Variants in XIRP1 observed in about 807,000 individuals in gnomAD.
XIRP1 encodes the protein xin actin binding repeat containing 1, also known as xin actin-binding repeat-containing protein 1.
For synonymous variants in XIRP1, 984 were observed against 947.0 expected, an observed-to-expected ratio of 1.04 and a Z score of -0.72; for missense variants, 2,378 against 2,345.4, an observed-to-expected ratio of 1.01 and a Z score of -0.29.
At position 39,188,529 on chromosome 3, in the gene XIRP1, G is replaced by A. The variant is rs2040029766; in HGVS notation, c.917C>T (p.Ala306Val). 2 of 1,610,044 alleles carry A rather than the reference G, an allele frequency of 1.2e-6. No individual in the cohort carries two copies. The highest frequency in any genetic ancestry group is 4.5e-5 in the East Asian group (2 of 44,740). Residue 306 changes from alanine (A) to valine (V), a missense_variant, in exon 2 of 2, where the codon GCA becomes GTA. Physicochemically the swap from Ala to Val is moderately conservative, Grantham distance 64. Coordinates refer to ENST00000340369, the MANE Select transcript of XIRP1 (RefSeq NM_194293.4). The stretch of plus-strand genomic sequence containing the variant: ...CTGTGTCTCAAAGATCCAGCGAGTT[G>A]CACTGACGTCGGGCCGGGCCCCCTC... ...LEEGARPDVS[A>V]TRWIFETQPL...
In XIRP1 at chr3:39,185,054, C is replaced by A. The variant is rs2039938812; in HGVS notation, c.4392G>T (p.Leu1464=). 2 of 1,521,992 alleles carry A rather than the reference C, an allele frequency of 1.3e-6. No individual in the cohort carries two copies. Among genetic ancestry groups the A allele is most frequent in the South Asian group, 2.7e-5 (2 of 74,580 alleles). The allele number at this position is 1,521,992 out of a possible 1,614,324, so 94.3% of individuals were successfully genotyped here. A position where few individuals can be genotyped will look rare whatever the true frequency, so the allele number is the denominator to read the frequency against. ...CCTGGAGCTCTTTCTGGTTTCTTTG[C>A]AGACTGTCAGGGCTCTCAGGGGCCC... The part of the protein sequence containing the change: ...HQGAPESPDS[L]QRNQKELQGL... The change falls in exon 2 of 2, where the codon CTG becomes CTT. Residue 1464 remains leucine (L), a synonymous_variant. Coordinates refer to ENST00000340369, the MANE Select transcript of XIRP1 (RefSeq NM_194293.4).
chr3:39,190,910 T>C (rs1219038768), intron 1 of XIRP1, among the ~76,000 whole-genome samples: 1 of 152,192 alleles, frequency 6.6e-6, no homozygotes, highest in East Asian at 1.9e-4. Context: ...CTCAGTACCC[T>C]TGGCTCACCT....
At position 39,184,698 on chromosome 3, in the gene XIRP1, G is replaced by A; in HGVS notation, c.4748C>T (p.Ala1583Val). The A allele has an allele frequency of 6.2e-7, 1 of 1,614,258 alleles. No homozygotes were observed. Among genetic ancestry groups the A allele is most frequent in the South Asian group, 1.1e-5 (1 of 91,092 alleles). ...HFQGPPKDHS[A>V]HKISVTVSSS... ...GCTGACTGTGACACTGATCTTGTGG[G>A]CACTGTGGTCTTTTGGAGGTCCCTG... The change falls in exon 2 of 2, where the codon GCC (alanine) becomes GTC (valine). Residue 1583 changes from alanine (A) to valine (V), a missense_variant. Coordinates refer to ENST00000340369, the MANE Select transcript of XIRP1 (RefSeq NM_194293.4).
Position 39,188,903 on chromosome 3 carries a change from C to A in XIRP1, c.543G>T (p.Glu181Asp), listed in dbSNP as rs1194820515. The change falls in exon 2 of 2, where the codon GAG becomes GAT. Residue 181 changes from glutamate (E) to aspartate (D), a missense_variant. Glu to Asp is a conservative substitution (Grantham distance 45). Coordinates refer to ENST00000340369, the MANE Select transcript of XIRP1 (RefSeq NM_194293.4). ...QAKELEATVR[E>D]PAASGDVQGT... is the part of the protein sequence containing the mutation. ...CCTGCACATCTCCGCTGGCTGCAGG[C>A]TCCCTCACAGTGGCCTCCAGTTCCT... 2 of 1,613,220 alleles carry A rather than the reference C, an allele frequency of 1.2e-6. No individual in the cohort carries two copies. The highest frequency in any genetic ancestry group is 1.7e-6 in the Non-Finnish European group (2 of 1,180,026).
Position 39,188,064 on chromosome 3 carries a change from T to A in XIRP1, c.1382A>T (p.His461Leu). ...DSIGQGEVLAHGSPSREEGTD... is the reference protein window; with the variant it reads ...DSIGQGEVLALGSPSREEGTD... ...TCCTTCTTCTCTGCTTGGACTCCCATGGGCCAGAACCTCACCCTGTCCAAT... is the reference window on the plus strand; with the variant it reads ...TCCTTCTTCTCTGCTTGGACTCCCAAGGGCCAGAACCTCACCCTGTCCAAT... Residue 461 changes from histidine to leucine, a missense_variant, in exon 2 of 2, where the codon CAT (histidine) becomes CTT (leucine). Transcript: ENST00000340369. The A allele has an allele frequency of 6.2e-7, 1 of 1,614,172 alleles. No homozygotes were observed. Among genetic ancestry groups the A allele is most frequent in the Non-Finnish European group, 8.5e-7 (1 of 1,179,998 alleles).
At position 39,186,007 on chromosome 3, in the gene XIRP1, G is replaced by A. The variant is rs1239284343; in HGVS notation, c.3439C>T (p.Pro1147Ser). Reference protein sequence around the residue: ...TIQDGIYTAHPVRTFDPPGGV... With the variant: ...TIQDGIYTAHSVRTFDPPGGV... ...CCAGGTGGGTCAAAGGTCCTCACGGGATGAGCGGTGTAGATGCCATCCTGA... is the reference window on the plus strand; with the variant it reads ...CCAGGTGGGTCAAAGGTCCTCACGGAATGAGCGGTGTAGATGCCATCCTGA... The change falls in exon 2 of 2, where the codon CCC (proline) becomes TCC (serine). Residue 1147 changes from proline (P) to serine (S), a missense_variant. Coordinates refer to ENST00000340369, the MANE Select transcript of XIRP1 (RefSeq NM_194293.4). 3 of 1,614,146 alleles carry A rather than the reference G, an allele frequency of 1.9e-6. No individual in the cohort carries two copies. Among genetic ancestry groups the A allele is most frequent in the South Asian group, 1.1e-5 (1 of 91,072 alleles).
At position 39,188,571 on chromosome 3, in the gene XIRP1, C is replaced by G; in HGVS notation, c.875G>C (p.Arg292Pro). The G allele has an allele frequency of 6.2e-7, 1 of 1,613,184 alleles. No homozygotes were observed. Among genetic ancestry groups the G allele is most frequent in the Non-Finnish European group, 8.5e-7 (1 of 1,179,312 alleles). Reference protein sequence around the residue: ...NQDPSQVRVIRGISLEEGARP... With the variant: ...NQDPSQVRVIPGISLEEGARP... The stretch of plus-strand genomic sequence containing the variant: ...GGCCCCCTCCTCCAGGGAAATCCCC[C>G]GGATCACCCGCACCTGGCTGGGGTC... The change falls in exon 2 of 2, where the codon CGG becomes CCG. Residue 292 changes from arginine to proline, a missense_variant. Coordinates refer to ENST00000340369, the MANE Select transcript of XIRP1 (RefSeq NM_194293.4).
At position 39,183,723 on chromosome 3, in the gene XIRP1, CCTTT is replaced by C; in HGVS notation, c.*187_*190del. On this transcript the variant is annotated 3_prime_UTR_variant, in exon 2 of 2. Transcript: ENST00000340369. Reference sequence around the variant, plus strand: ...TGCAACTCTGTGGGCCTCTTCCAGACCTTTCTTTTTCCATTTGGAAGAACTGGGC... The same window carrying C: ...TGCAACTCTGTGGGCCTCTTCCAGACCTTTTTCCATTTGGAAGAACTGGGC... 1 of 1,019,324 alleles carries C rather than the reference CCTTT, an allele frequency of 9.8e-7. No homozygotes were observed. The allele number at this position is 1,019,324 out of a possible 1,614,324, so 63.1% of individuals were successfully genotyped here. A position where few individuals can be genotyped will look rare whatever the true frequency, so the allele number is the denominator to read the frequency against.
rs540906316 is a variant in XIRP1 at position 39,186,588 on chromosome 3, C to T, written c.2858G>A (p.Ser953Asn). 6.2e-7 allele frequency: 1 copy of T among 1,610,608 alleles called. No individual in the cohort carries two copies. Among genetic ancestry groups the T allele is most frequent in the South Asian group, 1.1e-5 (1 of 90,934 alleles). ...SLRWEPPADP[S>N]PVPASEGAQS... ...GGCCCCCTCGCTGGCTGGCACTGGACTCGGGTCAGCCGGGGGCTCCCACCG... is the reference window on the plus strand; with the variant it reads ...GGCCCCCTCGCTGGCTGGCACTGGATTCGGGTCAGCCGGGGGCTCCCACCG... The change falls in exon 2 of 2, where the codon AGT becomes AAT. Residue 953 changes from serine (S) to asparagine (N), a missense_variant. By Grantham distance (46) the Ser-to-Asn change is conservative. Coordinates refer to ENST00000340369, the MANE Select transcript of XIRP1 (RefSeq NM_194293.4).
rs774195312 is a variant in XIRP1 at position 39,187,335 on chromosome 3, T to C, written c.2111A>G (p.Glu704Gly). The stretch of plus-strand genomic sequence containing the variant: ...CTCCTGTTCTTCCTTCTTGCCTGCC[T>C]CCAGGGCCTGAAAAACCTCTTTCTG... ...SRQKEVFQAL[E>G]AGKKEEQEPR... Residue 704 changes from glutamate (E) to glycine (G), a missense_variant, in exon 2 of 2, where the codon GAG (glutamate) becomes GGG (glycine). Glu to Gly is a moderately conservative substitution (Grantham distance 98, BLOSUM62 -2). Coordinates refer to ENST00000340369, the MANE Select transcript of XIRP1 (RefSeq NM_194293.4). 3.7e-6 allele frequency: 6 copies of C among 1,604,468 alleles called. No individual in the cohort carries two copies. Among genetic ancestry groups the C allele is most frequent in the East Asian group, 2.2e-5 (1 of 44,704 alleles).
In XIRP1 at chr3:39,184,297, C is replaced by T; in HGVS notation, c.5149G>A (p.Asp1717Asn). 2 of 1,614,192 alleles carry T rather than the reference C, an allele frequency of 1.2e-6. No homozygotes were observed. Among genetic ancestry groups the T allele is most frequent in the Non-Finnish European group, 1.7e-6 (2 of 1,180,028 alleles). Reference sequence around the variant, plus strand: ...GTGATGTCCTTCTTCCCAGTTTTGTCTTGGACACCTTTCTGGTGGAGCAGG... The same window carrying T: ...GTGATGTCCTTCTTCCCAGTTTTGTTTTGGACACCTTTCTGGTGGAGCAGG... ...QALLHQKGVQ[D>N]KTGKKDITQC... Residue 1717 changes from aspartate (D) to asparagine (N), a missense_variant, in exon 2 of 2, where the codon GAC becomes AAC. By Grantham distance (23) the Asp-to-Asn change is conservative. Coordinates refer to ENST00000340369, the MANE Select transcript of XIRP1 (RefSeq NM_194293.4).
At chr3:39,192,199 G>T (rs546565665) in intron 1 of XIRP1, among the ~76,000 whole-genome samples, 7 of 152,222 alleles carry the variant, frequency 4.6e-5, no homozygotes, top group Non-Finnish European at 1.0e-4. Flanking sequence ...CCTGGCAGGA[G>T]CCTATCCTTT....
At position 39,184,923 on chromosome 3, in the gene XIRP1, G is replaced by A. The variant is rs779047446; in HGVS notation, c.4523C>T (p.Ala1508Val). Residue 1508 changes from alanine to valine, a missense_variant, in exon 2 of 2, where the codon GCT becomes GTT. By Grantham distance (64) the Ala-to-Val change is moderately conservative (BLOSUM62 0). Coordinates refer to ENST00000340369, the MANE Select transcript of XIRP1 (RefSeq NM_194293.4). ...FEAVPQLGGAAPQAPAAHQKP... is the reference protein window; with the variant it reads ...FEAVPQLGGAVPQAPAAHQKP... ...TTGGTGGGCAGCAGGAGCCTGAGGAGCAGCCCCTCCCAGCTGGGGCACGGC... is the reference window on the plus strand; with the variant it reads ...TTGGTGGGCAGCAGGAGCCTGAGGAACAGCCCCTCCCAGCTGGGGCACGGC... 1.3e-6 allele frequency: 2 copies of A among 1,578,642 alleles called. No individual in the cohort carries two copies. The highest frequency in any genetic ancestry group is 2.7e-5 in the African/African-American group (2 of 73,760).
Position 39,184,775 on chromosome 3 carries a change from T to C in XIRP1, c.4671A>G (p.Ala1557=). Residue 1557 remains alanine, a synonymous_variant, in exon 2 of 2, where the codon GCA becomes GCG. Transcript: ENST00000340369. ...GCTGGAGGCTAGACATGGAGCTGAGTGCCTTGTGCACAGCCTCTTCAATGT... is the reference window on the plus strand; with the variant it reads ...GCTGGAGGCTAGACATGGAGCTGAGCGCCTTGTGCACAGCCTCTTCAATGT... ...LLDIEEAVHK[A]LSSMSSLQPE... The C allele has an allele frequency of 6.2e-7, 1 of 1,614,200 alleles. No homozygotes were observed. Among genetic ancestry groups the C allele is most frequent in the Non-Finnish European group, 8.5e-7 (1 of 1,180,022 alleles).
rs1036626756 is a variant in XIRP1 at position 39,184,894 on chromosome 3, G to A, written c.4552C>T (p.Pro1518Ser). The change falls in exon 2 of 2, where the codon CCC (proline) becomes TCC (serine). Residue 1518 changes from proline (P) to serine (S), a missense_variant. By Grantham distance (74) the Pro-to-Ser change is moderately conservative. Transcript: ENST00000340369. ...APQAPAAHQK[P>S]EASVEQAFGE... ...AAGGCCTGCTCCACTGAGGCCTCGG[G>A]CTTTTGGTGGGCAGCAGGAGCCTGA... The A allele has an allele frequency of 6.3e-7, 1 of 1,594,422 alleles. No homozygotes were observed. Among genetic ancestry groups the A allele is most frequent in the African/African-American group, 1.3e-5 (1 of 74,234 alleles).
Position 39,186,713 on chromosome 3 carries a change from A to G in XIRP1, c.2733T>C (p.Ser911=). 1 of 1,613,890 alleles carries G rather than the reference A, an allele frequency of 6.2e-7. No individual in the cohort carries two copies. The change falls in exon 2 of 2, where the codon TCT becomes TCC. Residue 911 remains serine (S), a synonymous_variant. Transcript: ENST00000340369. The part of the protein sequence containing the change: ...EQGLVALTAY[S]LQPRLTSKAS... ...CCTTGCTAGTTAGCCGGGGCTGCAG[A>G]GAGTAGGCAGTCAGTGCGACCAGGC... is the stretch of plus-strand genomic sequence containing the variant.
In XIRP1 at chr3:39,185,065, G is replaced by T; in HGVS notation, c.4381C>A (p.Pro1461Thr). Residue 1461 changes from proline to threonine, a missense_variant, in exon 2 of 2, where the codon CCT becomes ACT. Pro to Thr is a conservative substitution (Grantham distance 38). Coordinates refer to ENST00000340369, the MANE Select transcript of XIRP1 (RefSeq NM_194293.4). ...TTCTGGTTTCTTTGCAGACTGTCAGGGCTCTCAGGGGCCCCTTGGTGGGAA... is the reference window on the plus strand; with the variant it reads ...TTCTGGTTTCTTTGCAGACTGTCAGTGCTCTCAGGGGCCCCTTGGTGGGAA... ...EGSHQGAPES[P>T]DSLQRNQKEL... The T allele has an allele frequency of 1.3e-6, 2 of 1,523,668 alleles. No individual in the cohort carries two copies. The highest frequency in any genetic ancestry group is 2.7e-5 in the South Asian group (2 of 75,026). The allele number at this position is 1,523,668 out of a possible 1,614,324, so 94.4% of individuals were successfully genotyped here.
Position 39,187,111 on chromosome 3 carries a change from G to T in XIRP1, c.2335C>A (p.His779Asn). ...TAAEGTLRTL[H>N]ATPGILHHGG... ...TGGTGCAGGATGCCAGGTGTGGCAT[G>T]CAGAGTCCGCAGGGTCCCCTCAGCT... is the stretch of plus-strand genomic sequence containing the variant. The change falls in exon 2 of 2, where the codon CAT (histidine) becomes AAT (asparagine). Residue 779 changes from histidine (H) to asparagine (N), a missense_variant. Coordinates refer to ENST00000340369, the MANE Select transcript of XIRP1 (RefSeq NM_194293.4). The T allele has an allele frequency of 6.2e-7, 1 of 1,613,462 alleles. No homozygotes were observed. The highest frequency in any genetic ancestry group is 8.5e-7 in the Non-Finnish European group (1 of 1,179,468).
Position 39,185,512 on chromosome 3 carries a change from G to T in XIRP1, c.3934C>A (p.Pro1312Thr), listed in dbSNP as rs759210455. The change falls in exon 2 of 2, where the codon CCA (proline) becomes ACA (threonine). Residue 1312 changes from proline (P) to threonine (T), a missense_variant. By Grantham distance (38) the Pro-to-Thr change is conservative. Coordinates refer to ENST00000340369, the MANE Select transcript of XIRP1 (RefSeq NM_194293.4). ...GGGGGCATGGTGGGGTCCAGTTTTG[G>T]GGTCTTTGTCTGTGACCCTCCAGGG... is the stretch of plus-strand genomic sequence containing the variant. ...RTPGGSQTKT[P>T]KLDPTMPPKK... 2.6e-6 allele frequency: 4 copies of T among 1,559,650 alleles called. No individual in the cohort carries two copies. The East Asian group carries it at 9.0e-5, about 35-fold the overall frequency.
Sources: allele counts gnomAD v4.1 joint callset (sites outside exome capture counted in the v4.1 genomes callset), GRCh38; gene constraint gnomAD v4.1.1; transcripts MANE v1.5; gene names NCBI Gene and HGNC (gene_info 2026-07-23, HGNC 2026-07-21).